GPBP1L1: variants seen among roughly 807,000 people sequenced by gnomAD.
The protein encoded by GPBP1L1 is vasculin-like protein 1.
GPBP1L1 carries 23 observed loss-of-function variants against 52.5 expected under a neutral mutation model. The ratio of observed to expected loss-of-function variants is 0.44; its 90% CI spans 0.32 to 0.62. GPBP1L1 has a LOEUF of 0.62. GPBP1L1 is among the 20% of genes least tolerant of loss of function. The probability of loss-of-function intolerance (pLI) is 0.06; values close to 1 mark genes in which losing one functional copy is unlikely to be tolerated. For missense variants in GPBP1L1, 596 were observed against 579.3 expected, an observed-to-expected ratio of 1.03 and a Z score of -0.30; for synonymous variants, 243 against 203.1, an observed-to-expected ratio of 1.20 and a Z score of -1.67.
chr1:45,639,574 TAAAAAAAAAA>T (rs60435928), intron 8 of GPBP1L1, among the ~76,000 whole-genome samples: 2 of 130,116 alleles, frequency 1.5e-5, no homozygotes, highest in Non-Finnish European at 3.3e-5. Context: ...AAAAAATAAT[TAAAAAAAAAA>T]AAAAAAAAAT....
rs371756080 is a variant in GPBP1L1, at chr1:45,654,661, C to G, written c.359G>C (p.Trp120Ser). The G allele has an allele frequency of 1.9e-5, 30 of 1,614,134 alleles. No individual in the cohort carries two copies. The highest frequency in any genetic ancestry group is 2.5e-5 in the Non-Finnish European group (30 of 1,180,030). ...SGGGTGNHRHWNGSFHSRKGC... is the reference protein window; with the variant it reads ...SGGGTGNHRHSNGSFHSRKGC... ...TTTCCGGGAGTGGAAGCTGCCATTCCAATGGCGATGGTTCCCTGTGCCACC... is the reference window on the plus strand; with the variant it reads ...TTTCCGGGAGTGGAAGCTGCCATTCGAATGGCGATGGTTCCCTGTGCCACC... The change falls in exon 6 of 13, where the codon TGG becomes TCG. Residue 120 changes from tryptophan (W) to serine (S), a missense_variant. Coordinates refer to ENST00000355105, the MANE Select transcript of GPBP1L1 (RefSeq NM_021639.5).
intron 8 of GPBP1L1, 33 bp from the exon 9 acceptor site, chr1:45,634,269 C>T (rs1238597720): frequency 5.8e-6 from 9 of 1,561,224 alleles, no homozygotes; most frequent in African/African-American, 2.7e-5. Flanking sequence ...TCAGTCAGAA[C>T]AAGCACACAA....
rs201892335 is a variant in GPBP1L1, at chr1:45,671,653, TACA to T, written c.-1097-10431_-1097-10429del. Among the ~76,000 whole-genome samples, 888 of 151,714 alleles carry T rather than the reference TACA, an allele frequency of 5.9e-3. 5 individuals are homozygous for T. Among genetic ancestry groups the T allele is most frequent in the South Asian group, 0.021 (102 of 4,800 alleles). On this transcript the variant is annotated intron_variant, in intron 2 of 12. Transcript: ENST00000355105. ...CAGCATCATGGTGAAACCCCATCTC[TACA>T]ACAAAGAAAATACAAAAATCAGCTG... is the stretch of plus-strand genomic sequence containing the variant.
chr1:45,630,361 A>G (rs1644514272), intron 11 of GPBP1L1, 121 bp downstream of exon 11: 2 of 1,173,222 alleles, frequency 1.7e-6, no homozygotes, highest in East Asian at 4.8e-5. Context: ...ACAGAGAACA[A>G]GTTATGACTG....
chr1:45,665,872 C>T (rs1645004629), intron 2 of GPBP1L1, among the ~76,000 whole-genome samples: 1 of 151,682 alleles, frequency 6.6e-6, no homozygotes, highest in African/African-American at 2.4e-5. Flanking sequence ...ATTTTTTAGG[C>T]ACTACTAGTC....
chr1:45,628,984 G>GT (rs1644494003), intron 12 of GPBP1L1, among the ~76,000 whole-genome samples: 1 of 152,152 alleles, frequency 6.6e-6, no homozygotes, highest in African/African-American at 2.4e-5. Flanking sequence ...TTCTAACAGA[G>GT]TTCTAAGTGG....
intron 12 of GPBP1L1, 119 bp from the exon 13 acceptor site, chr1:45,628,527 T>A: frequency 1.2e-6 from 1 of 862,862 alleles, no homozygotes. Flanking sequence ...GGGCGGGGGG[T>A]GCTTCTAAGA....
intron 2 of GPBP1L1, among the ~76,000 whole-genome samples, chr1:45,671,153 G>A (rs1218168975): frequency 6.6e-6 from 1 of 150,408 alleles, no homozygotes; most frequent in African/African-American, 2.5e-5. Context: ...TTAGAGCAAG[G>A]CCATCTCCCC....
chr1:45,664,867 T>C (rs1040210329), intron 2 of GPBP1L1, among the ~76,000 whole-genome samples: 1 of 152,016 alleles, frequency 6.6e-6, no homozygotes, highest in South Asian at 2.1e-4. Flanking sequence ...TTAGCAGAGA[T>C]AGAGTTTCGC....
At chr1:45,684,258 CAAAAAA>C (rs60624036) in intron 2 of GPBP1L1, among the ~76,000 whole-genome samples, 8 of 88,478 alleles carry the variant, frequency 9.0e-5, no homozygotes, top group Non-Finnish European at 1.2e-4. Context: ...AACTCCGTCT[CAAAAAA>C]AAAAAAAAAA....
chr1:45,645,764 TTTTG>T (rs1372223022), intron 6 of GPBP1L1: 38 of 339,760 alleles, frequency 1.1e-4, no homozygotes, highest in South Asian at 2.7e-4. Flanking sequence ...TTCCGAAGTT[TTTTG>T]TTTTTTTTTT....
chr1:45,654,953 A>G lies in GPBP1L1; in HGVS notation c.191-124T>C, dbSNP rs1569829235. The G allele has an allele frequency of 6.8e-5, 74 of 1,084,568 alleles. No individual in the cohort carries two copies. In the East Asian group the frequency reaches 1.8e-3, roughly 27 times the overall value. The allele number at this position is 1,084,568 out of a possible 1,614,324, so 67.2% of individuals were successfully genotyped here. A position where few individuals can be genotyped will look rare whatever the true frequency, so the allele number is the denominator to read the frequency against. ...CCACACAAAAAAAATAAAAAAATGT[A>G]TCTTTTCTTTGTGAGGTAATTTCTG... On this transcript the variant is annotated intron_variant, in intron 5 of 12. Transcript: ENST00000355105.
At chr1:45,659,231 T>C (rs925953107) in intron 3 of GPBP1L1, 89 bp from the exon 4 acceptor site, 2 of 751,246 alleles carry the variant, frequency 2.7e-6, no homozygotes, top group Non-Finnish European at 4.4e-6. Flanking sequence ...AGATTCCTCT[T>C]TACAGAAAGA....
chr1:45,641,263 T>A (rs976033768), intron 7 of GPBP1L1, among the ~76,000 whole-genome samples: 42 of 152,112 alleles, frequency 2.8e-4, no homozygotes, highest in Admixed American at 2.7e-3. Context: ...GCTATCAACA[T>A]GTCTAATGAA....
At chr1:45,635,162 T>A (rs1644578303) in intron 8 of GPBP1L1, 1 of 152,234 alleles carries the variant, frequency 6.6e-6, no homozygotes, top group Admixed American at 6.5e-5. Context: ...TCAGGAATAA[T>A]AATTGTTACG....
chr1:45,684,251 T>C (rs570696077), intron 2 of GPBP1L1, among the ~76,000 whole-genome samples: 792 of 56,162 alleles, frequency 0.014, 10 homozygotes, highest in African/African-American at 0.058. Flanking sequence ...AGAGCGAAAC[T>C]CCGTCTCAAA....
chr1:45,638,218 G>A lies in GPBP1L1; in HGVS notation c.744+1992C>T, dbSNP rs185046793. On this transcript the variant is annotated intron_variant, in intron 8 of 12. Transcript: ENST00000355105. ...ATCTCTTCCAAGTACAGTTCAAGTT[G>A]CTTCCAGTGGCTTCTTCCAACAGAC... 1.5e-3 allele frequency among the ~76,000 whole-genome samples: 222 copies of A among 152,246 alleles called. 3 individuals are homozygous for A. The highest frequency in any genetic ancestry group is 5.2e-3 in the African/African-American group (215 of 41,546).
intron 2 of GPBP1L1, among the ~76,000 whole-genome samples, chr1:45,667,458 A>C (rs1181782065): frequency 2.0e-5 from 3 of 152,132 alleles, no homozygotes; most frequent in Non-Finnish European, 4.4e-5. Context: ...ACCTAATTTT[A>C]TATTTTATAA....
intron 6 of GPBP1L1, among the ~76,000 whole-genome samples, chr1:45,643,658 CTTTTTTTTTTTTTTTTTTT>C (rs113388167): frequency 3.1e-5 from 2 of 65,112 alleles, no homozygotes; most frequent in African/African-American, 1.3e-4. Flanking sequence ...AGGAGAATGG[CTTTTTTTTTTTTTTTTTTT>C]TTTTTTTTTT....
Sources: allele counts gnomAD v4.1 joint callset (sites outside exome capture counted in the v4.1 genomes callset), GRCh38; gene constraint gnomAD v4.1.1; transcripts MANE v1.5; gene names NCBI Gene and HGNC (gene_info 2026-07-23, HGNC 2026-07-21).